AKAP8: variants seen among roughly 807,000 people sequenced by gnomAD.
AKAP8 encodes A-kinase anchoring protein 8.
Under a neutral mutation model 67.5 loss-of-function variants are expected in AKAP8, and 24 were observed. The observed-to-expected ratio is 0.36, with a 90% CI of 0.26 to 0.50. The LOEUF (loss-of-function observed/expected upper bound fraction) is 0.50. AKAP8 is among the 20% of genes least tolerant of loss of function. The pLI is 0.97. For missense variants in AKAP8, 971 were observed against 955.9 expected (o/e 1.02, Z -0.21); for synonymous variants, 400 against 371.1 (o/e 1.08, Z -0.90).
chr19:15,376,757 G>A (rs1343570666), intron 2 of AKAP8, among the ~76,000 whole-genome samples: 3 of 152,136 alleles, frequency 2.0e-5, no homozygotes, highest in African/African-American at 7.2e-5. Flanking sequence ...GTAACTACTG[G>A]CATTGTCCCA....
intron 13 of AKAP8, 137 bp from the exon 14 acceptor site, chr19:15,355,507 T>C (rs2048272469): frequency 1.2e-6 from 1 of 825,350 alleles, no homozygotes; most frequent in East Asian, 2.6e-5. Flanking sequence ...GAGTGAATCC[T>C]ACATGTTCTC....
chr19:15,376,946 C>T lies in AKAP8; in HGVS notation c.58+30G>A, dbSNP rs541654875. ...AGGGCCTTGAGTTAGGGGAAGCCCA[C>T]GCCTCACCCGCAAAGCAGAGCCCAC... On this transcript the variant is annotated intron_variant, in intron 2 of 13. Coordinates refer to ENST00000269701, the MANE Select transcript of AKAP8 (RefSeq NM_005858.4). 6 of 1,605,582 alleles carry T rather than the reference C, an allele frequency of 3.7e-6. No homozygotes were observed. The African/African-American group carries it at 5.4e-5, about 14-fold the overall frequency.
chr19:15,372,249 C>T lies in AKAP8; in HGVS notation c.960G>A (p.Arg320=). ...CGGAGAAATCTCCTTCACTGTCAAC[C>T]CGGGCCAGTTTGGTGTCTGGCTCCT... ...LYEEPDTKLA[R]VDSEGDFSEN... Residue 320 remains arginine (R), a synonymous_variant, in exon 6 of 14, where the codon CGG becomes CGA. Transcript: ENST00000269701. The T allele has an allele frequency of 6.2e-7, 1 of 1,614,234 alleles. No homozygotes were observed. Among genetic ancestry groups the T allele is most frequent in the Non-Finnish European group, 8.5e-7 (1 of 1,180,044 alleles).
rs1476723292 is a variant in AKAP8, at chr19:15,379,759, C to G, written c.-28G>C. On this transcript the variant is annotated 5_prime_UTR_variant, in exon 1 of 14. Transcript: ENST00000269701. The stretch of plus-strand genomic sequence containing the variant: ...CTTCGACGCGGCCCACCAGCAGCCC[C>G]GTTTACTAGGCGACCACAGCACGCA... 5 of 1,610,322 alleles carry G rather than the reference C, an allele frequency of 3.1e-6. No individual in the cohort carries two copies. The highest frequency in any genetic ancestry group is 4.2e-6 in the Non-Finnish European group (5 of 1,178,728).
intron 9 of AKAP8, among the ~76,000 whole-genome samples, chr19:15,364,476 G>A (rs1392130863): frequency 6.6e-6 from 1 of 152,022 alleles, no homozygotes; most frequent in African/African-American, 2.4e-5. Context: ...TCAGCCTCCC[G>A]AGTAGCTGGG....
intron 4 of AKAP8, 89 bp downstream of exon 4, chr19:15,373,697 G>T: frequency 7.0e-7 from 1 of 1,436,088 alleles, no homozygotes; most frequent in Non-Finnish European, 9.3e-7. Flanking sequence ...GGCGGGGACA[G>T]GCCCTCCCTC....
At chr19:15,372,135 G>A (rs1178688303) in intron 6 of AKAP8, 83 bp downstream of exon 6, 18 of 1,607,826 alleles carry the variant, frequency 1.1e-5, no homozygotes, top group South Asian at 4.4e-5. Context: ...GAGTGTCCAC[G>A]ACACAGATGG....
intron 9 of AKAP8, among the ~76,000 whole-genome samples, chr19:15,367,195 G>A (rs2145075060): frequency 1.3e-5 from 2 of 152,296 alleles, no homozygotes; most frequent in South Asian, 2.1e-4. Flanking sequence ...TGTGAGCCAC[G>A]GCATCTGGCC....
rs747362693 is a variant in AKAP8 at position 15,379,728 on chromosome 19, C to T, written c.4G>A (p.Asp2Asn). MDQGYGGYGAWS... is the reference protein window; with the variant it reads MNQGYGGYGAWS... ...CAACACAAACCTCCGTAGCCCTGGTCCATGTCTTCGACGCGGCCCACCAGC... is the reference window on the plus strand; with the variant it reads ...CAACACAAACCTCCGTAGCCCTGGTTCATGTCTTCGACGCGGCCCACCAGC... Residue 2 changes from aspartate to asparagine, a missense_variant, in exon 1 of 14, where the codon GAC (aspartate) becomes AAC (asparagine). Coordinates refer to ENST00000269701, the MANE Select transcript of AKAP8 (RefSeq NM_005858.4). 6.2e-7 allele frequency: 1 copy of T among 1,612,006 alleles called. No homozygotes were observed. Among genetic ancestry groups the T allele is most frequent in the Non-Finnish European group, 8.5e-7 (1 of 1,179,248 alleles).
intron 1 of AKAP8, among the ~76,000 whole-genome samples, chr19:15,378,567 C>G (rs1967299568): frequency 6.6e-6 from 1 of 152,208 alleles, no homozygotes; most frequent in Non-Finnish European, 1.5e-5. Flanking sequence ...GAGAGCCAGG[C>G]TGAGCCTTCG....
At chr19:15,359,190 C>A in intron 12 of AKAP8, 128 bp from the exon 13 acceptor site, 1 of 796,396 alleles carries the variant, frequency 1.3e-6, no homozygotes, top group Non-Finnish European at 2.0e-6. Context: ...AAACGCCAGC[C>A]TCCAAGAATA....
chr19:15,373,127 G>C lies in AKAP8; in HGVS notation c.585C>G (p.Phe195Leu), dbSNP rs1262162638. The C allele has an allele frequency of 4.3e-6, 7 of 1,612,884 alleles. No individual in the cohort carries two copies. The highest frequency in any genetic ancestry group is 5.9e-6 in the Non-Finnish European group (7 of 1,179,854). Reference protein sequence around the residue: ...GFMRGRGQGRFQDRSNPGTFM... With the variant: ...GFMRGRGQGRLQDRSNPGTFM... ...AGGTGCCAGGGTTGCTCCGGTCCTGGAAGCGGCCCTGGCCCCGGCCCCGCA... is the reference window on the plus strand; with the variant it reads ...AGGTGCCAGGGTTGCTCCGGTCCTGCAAGCGGCCCTGGCCCCGGCCCCGCA... Residue 195 changes from phenylalanine (F) to leucine (L), a missense_variant, in exon 5 of 14, where the codon TTC becomes TTG. Phe to Leu is a conservative substitution (Grantham distance 22, BLOSUM62 0). Transcript: ENST00000269701.
intron 6 of AKAP8, 88 bp from the exon 7 acceptor site, chr19:15,372,086 T>C (rs2145081881): frequency 6.2e-7 from 1 of 1,608,248 alleles, no homozygotes; most frequent in East Asian, 2.2e-5. Context: ...CCAGGGTGAG[T>C]CTGCCCTGAC....
In AKAP8 at chr19:15,360,203, T is replaced by C. The variant is rs187625740; in HGVS notation, c.1527+645A>G. Among the ~76,000 whole-genome samples the C allele has an allele frequency of 2.6e-4, 39 of 151,354 alleles. 1 individual carries two copies. The East Asian group carries it at 6.2e-3, about 24-fold the overall frequency. ...CAAAACCAAAACCAAAACACAGTAC[T>C]GTGAGATGGGTGAGCAGCTCTTGAC... On this transcript the variant is annotated intron_variant, in intron 12 of 13. Coordinates refer to ENST00000269701, the MANE Select transcript of AKAP8 (RefSeq NM_005858.4).
rs561572911 is a variant in AKAP8, at chr19:15,376,418, G to A, written c.58+558C>T. ...TAATCCCAGCTACTCGGGAGGCTGC[G>A]GCTGCAGTAAGCCGAGATCACACCA... On this transcript the variant is annotated intron_variant, in intron 2 of 13. Transcript: ENST00000269701. Among the ~76,000 whole-genome samples, 22 of 152,034 alleles carry A rather than the reference G, an allele frequency of 1.4e-4. No individual in the cohort carries two copies. The South Asian group carries it at 3.7e-3, about 26-fold the overall frequency.
At chr19:15,376,540 T>A (rs1447492193) in intron 2 of AKAP8, among the ~76,000 whole-genome samples, 1 of 152,112 alleles carries the variant, frequency 6.6e-6, no homozygotes, top group Non-Finnish European at 1.5e-5. Context: ...AGGTGTAGTG[T>A]ACACTCAGTA....
intron 2 of AKAP8, 111 bp from the exon 3 acceptor site, chr19:15,374,746 G>A (rs1599572766): frequency 2.5e-5 from 31 of 1,263,448 alleles, no homozygotes; most frequent in South Asian, 1.7e-4. Flanking sequence ...GCTTCCCTCC[G>A]CAGCGCTCAG....
chr19:15,355,442 A>T, intron 13 of AKAP8, 72 bp from the exon 14 acceptor site: 2 of 1,409,360 alleles, frequency 1.4e-6, no homozygotes, highest in South Asian at 2.6e-5. Flanking sequence ...CGGGGATGTC[A>T]GCTTTTCAGA....
rs936940793 is a variant in AKAP8 at position 15,357,604 on chromosome 19, C to CA, written c.1623+1362dup. On this transcript the variant is annotated intron_variant, in intron 13 of 13. Transcript: ENST00000269701. Reference sequence around the variant, plus strand: ...GTACCAAGAGAACAAGACCCTGACTCAAAAAAAAAGACGCTTAGAAGCCTG... The same window carrying CA: ...GTACCAAGAGAACAAGACCCTGACTCAAAAAAAAAAGACGCTTAGAAGCCTG... Among the ~76,000 whole-genome samples, 142 of 146,172 alleles carry CA rather than the reference C, an allele frequency of 9.7e-4. No homozygotes were observed. In the East Asian group the frequency reaches 0.022, roughly 23 times the overall value.
Sources: gnomAD v4.1 joint callset for allele counts (sites outside exome capture counted in the v4.1 genomes callset) on GRCh38, gnomAD v4.1.1 for gene constraint, MANE v1.5 for transcripts, NCBI Gene and HGNC (gene_info 2026-07-23, HGNC 2026-07-21) for gene names.